The following OLFM3 variants were observed in gnomAD, a reference collection of about 807,000 sequenced individuals.
The protein encoded by OLFM3 is noelin-3.
Under a neutral mutation model 48.6 loss-of-function variants are expected in OLFM3, and 20 were observed. The observed-to-expected ratio is 0.41, with a 90% CI of 0.29 to 0.60. OLFM3 has a LOEUF of 0.60. OLFM3 is among the 20% of genes least tolerant of loss of function. The probability of loss-of-function intolerance (pLI) is 0.28; values close to 1 mark genes in which losing one functional copy is unlikely to be tolerated. For missense variants in OLFM3, 437 were observed against 544.3 expected, an observed-to-expected ratio of 0.80 and a Z score of 1.96; for synonymous variants, 222 against 198.1, an observed-to-expected ratio of 1.12 and a Z score of -1.01.
Position 101,804,136 on chromosome 1 carries a change from G to A in OLFM3, c.*102C>T, listed in dbSNP as rs1653638001. On this transcript the variant is annotated 3_prime_UTR_variant, in exon 6 of 6. Coordinates refer to ENST00000370103, the MANE Select transcript of OLFM3 (RefSeq NM_058170.4). This position sits in a 1 kb window ranked among gnomAD's most constrained non-coding sequence, Gnocchi z 4.5. ...TTTACAATAAAAATGCTTTGCTTTG[G>A]AGAAATGATGAAAAATAATAGTGAA... 1.1e-6 allele frequency: 1 copy of A among 912,032 alleles called. No individual in the cohort carries two copies. The highest frequency in any genetic ancestry group is 2.0e-5 in the South Asian group (1 of 48,834). The allele number at this position is 912,032 out of a possible 1,614,324, so 56.5% of individuals were successfully genotyped here. A position where few individuals can be genotyped will look rare whatever the true frequency, so the allele number is the denominator to read the frequency against.
chr1:101,899,675 CTAGA>C (rs1658327326), intron 1 of OLFM3, among the ~76,000 whole-genome samples: 1 of 151,550 alleles, frequency 6.6e-6, no homozygotes, highest in Admixed American at 6.6e-5. Context: ...GCAAAAATAA[CTAGA>C]AAGACAAAAA....
chr1:101,966,234 A>C (rs1043542669), intron 1 of OLFM3, among the ~76,000 whole-genome samples: 1 of 151,982 alleles, frequency 6.6e-6, no homozygotes, highest in African/African-American at 2.4e-5. Context: ...GTGCAATCAT[A>C]GCTCACTGCA....
chr1:101,839,321 A>C (rs1420070496), intron 1 of OLFM3, among the ~76,000 whole-genome samples: 1 of 152,184 alleles, frequency 6.6e-6, no homozygotes, highest in African/African-American at 2.4e-5. Flanking sequence ...AAGATCTTAG[A>C]GATTACTGGG....
intron 1 of OLFM3, among the ~76,000 whole-genome samples, chr1:101,953,073 A>G (rs1412187735): frequency 6.6e-6 from 1 of 152,192 alleles, no homozygotes. Flanking sequence ...TTAATTTAAA[A>G]ATGTAAAACT....
chr1:101,821,952 C>A (rs1654625206), intron 4 of OLFM3, among the ~76,000 whole-genome samples: 1 of 151,970 alleles, frequency 6.6e-6, no homozygotes, highest in South Asian at 2.1e-4. Flanking sequence ...AACATTGTGG[C>A]CCACTGGATA....
At chr1:101,935,402 A>G (rs992993717) in intron 1 of OLFM3, among the ~76,000 whole-genome samples, 5 of 152,110 alleles carry the variant, frequency 3.3e-5, no homozygotes, top group Non-Finnish European at 5.9e-5. Flanking sequence ...AAGGAAACAT[A>G]CAATCTCCCA....
intron 1 of OLFM3, among the ~76,000 whole-genome samples, chr1:101,872,853 G>C (rs892193968): frequency 6.6e-6 from 1 of 151,726 alleles, no homozygotes; most frequent in African/African-American, 2.4e-5. Context: ...AGATTGTCTA[G>C]CACTCTATAT....
intron 1 of OLFM3, among the ~76,000 whole-genome samples, chr1:101,994,609 TA>T (rs1661507181): frequency 6.7e-6 from 1 of 148,524 alleles, no homozygotes; most frequent in South Asian, 2.1e-4. Context: ...TATATAAATA[TA>T]AATATATAAT....
chr1:101,940,505 C>T (rs1397455608), intron 1 of OLFM3, among the ~76,000 whole-genome samples: 1 of 151,500 alleles, frequency 6.6e-6, no homozygotes, highest in Non-Finnish European at 1.5e-5. Flanking sequence ...AATCATCTAT[C>T]TCTGTCTACC....
At chr1:101,806,850 G>C (rs1046324579) in intron 4 of OLFM3, among the ~76,000 whole-genome samples, 1 of 151,694 alleles carries the variant, frequency 6.6e-6, no homozygotes, top group African/African-American at 2.4e-5. Flanking sequence ...GATGAAAGAT[G>C]AAGAGATGTA....
intron 4 of OLFM3, among the ~76,000 whole-genome samples, chr1:101,815,857 A>G (rs1463027530): frequency 6.6e-6 from 1 of 152,226 alleles, no homozygotes; most frequent in Non-Finnish European, 1.5e-5. Flanking sequence ...TTTTAGCATA[A>G]TGATGACAGT....
chr1:101,913,892 A>G (rs1272434680), intron 1 of OLFM3, among the ~76,000 whole-genome samples: 1 of 152,148 alleles, frequency 6.6e-6, no homozygotes, highest in African/African-American at 2.4e-5. Flanking sequence ...GGGACTAGGG[A>G]AGATCAATAT....
chr1:101,885,995 G>A (rs1657741865), intron 1 of OLFM3, among the ~76,000 whole-genome samples: 1 of 152,074 alleles, frequency 6.6e-6, no homozygotes, highest in African/African-American at 2.4e-5. Context: ...AGTGACAAAG[G>A]AAGAAGTGTG....
intron 4 of OLFM3, among the ~76,000 whole-genome samples, chr1:101,814,208 AG>A (rs1275066241): frequency 5.3e-5 from 8 of 151,678 alleles, no homozygotes; most frequent in Non-Finnish European, 1.0e-4. Context: ...TTAAAAGAAC[AG>A]CTTTTGTATG....
At chr1:101,945,867 A>T (rs1478757564) in intron 1 of OLFM3, among the ~76,000 whole-genome samples, 3 of 151,442 alleles carry the variant, frequency 2.0e-5, no homozygotes, top group Non-Finnish European at 4.4e-5. Context: ...AACAATTAAA[A>T]TTTTTTTAAA....
intron 1 of OLFM3, among the ~76,000 whole-genome samples, chr1:101,970,445 C>G (rs1468371052): frequency 6.6e-6 from 1 of 152,232 alleles, no homozygotes; most frequent in Non-Finnish European, 1.5e-5. Context: ...AAACACTACT[C>G]TCTCCTAATG....
chr1:101,815,518 T>C (rs952646676), intron 4 of OLFM3, among the ~76,000 whole-genome samples: 17 of 150,398 alleles, frequency 1.1e-4, no homozygotes. Context: ...GTTGTGGAGA[T>C]GGAGAAAAGT....
intron 1 of OLFM3, among the ~76,000 whole-genome samples, chr1:101,962,957 C>T (rs1660508863): frequency 6.6e-6 from 1 of 152,202 alleles, no homozygotes; most frequent in Non-Finnish European, 1.5e-5. Context: ...ATGTGGTGTT[C>T]AGTTAATTGA....
intron 1 of OLFM3, among the ~76,000 whole-genome samples, chr1:101,917,585 C>T (rs748393084): frequency 3.5e-4 from 53 of 151,948 alleles, no homozygotes; most frequent in Non-Finnish European, 6.6e-4. Flanking sequence ...CCCAACTAAT[C>T]TTTATATTTT....
Sources: gnomAD v4.1 joint callset for allele counts (sites outside exome capture counted in the v4.1 genomes callset) on GRCh38, gnomAD v4.1.1 for gene constraint, Gnocchi (gnomAD v3.1) non-coding constraint, MANE v1.5 for transcripts, NCBI Gene and HGNC (gene_info 2026-07-23, HGNC 2026-07-21) for gene names.